Variants in FAM83D observed in about 807,000 individuals in gnomAD.
FAM83D encodes scaffolding CK1 anchoring protein D, also known as protein FAM83D.
A neutral mutation model predicts 25.4 loss-of-function variants in FAM83D; 26 were observed. That is an observed-to-expected ratio of 1.02 (90% CI 0.75 to 1.42). The LOEUF is 1.42. Ranked by LOEUF, FAM83D falls within the 40% of genes most tolerant of loss-of-function variation. The pLI is 0.00. For synonymous variants in FAM83D, 310 were observed against 318.5 expected (o/e 0.97, Z 0.28); for missense variants, 740 against 758.1 (o/e 0.98, Z 0.28).
intron 1 of FAM83D, among the ~76,000 whole-genome samples, chr20:38,936,612 T>C (rs551288709): frequency 3.3e-5 from 5 of 152,140 alleles, no homozygotes; most frequent in Admixed American, 1.3e-4. Context: ...TGGAATGATA[T>C]AAAATACTGA....
chr20:38,952,550 C>T lies in FAM83D; in HGVS notation c.*30C>T, dbSNP rs765694697. 6.3e-7 allele frequency: 1 copy of T among 1,592,350 alleles called. No homozygotes were observed. Among genetic ancestry groups the T allele is most frequent in the Non-Finnish European group, 8.6e-7 (1 of 1,167,644 alleles). On this transcript the variant is annotated 3_prime_UTR_variant, in exon 4 of 4. Transcript: ENST00000619850. Reference sequence around the variant, plus strand: ...TCCGTGTTCAGACTCCTGGTTTCTTCCAGGCTTACAGTGGACATCATCAGC... The same window carrying T: ...TCCGTGTTCAGACTCCTGGTTTCTTTCAGGCTTACAGTGGACATCATCAGC...
In FAM83D at chr20:38,926,793, G is replaced by C. The variant is rs1460592108; in HGVS notation, c.351G>C (p.Trp117Cys). ...AGCCACCGCTGTTGGAGCTTGGCTG[G>C]CCCGCCTTCTACCAGGGCGCCTACC... ...DLEPPLLELG[W>C]PAFYQGAYRG... is the part of the protein sequence containing the mutation. Residue 117 changes from tryptophan (W) to cysteine (C), a missense_variant, in exon 1 of 4, where the codon TGG (tryptophan) becomes TGC (cysteine). Trp to Cys is a radical substitution (Grantham distance 215). This residue lies in a region of FAM83D where 333 missense variants were observed against 298.6 expected (regional missense o/e 1.12). Coordinates refer to ENST00000619850, the MANE Select transcript of FAM83D (RefSeq NM_030919.3). The C allele has an allele frequency of 6.5e-7, 1 of 1,544,762 alleles. No homozygotes were observed. The highest frequency in any genetic ancestry group is 8.7e-7 in the Non-Finnish European group (1 of 1,151,304).
chr20:38,938,358 G>A (rs918668727), intron 1 of FAM83D, among the ~76,000 whole-genome samples: 2 of 152,168 alleles, frequency 1.3e-5, no homozygotes, highest in Non-Finnish European at 2.9e-5. Context: ...CCTTTGGCCC[G>A]TCACACTCTG....
chr20:38,929,461 C>T (rs1390731974), intron 1 of FAM83D, among the ~76,000 whole-genome samples: 4 of 152,010 alleles, frequency 2.6e-5, no homozygotes, highest in African/African-American at 9.7e-5. Flanking sequence ...TGGGGGCTGG[C>T]CCACAAGTGT....
At chr20:38,930,006 G>C (rs1466898880) in intron 1 of FAM83D, among the ~76,000 whole-genome samples, 2 of 152,184 alleles carry the variant, frequency 1.3e-5, no homozygotes, top group Non-Finnish European at 2.9e-5. Context: ...CACACTCCCT[G>C]TGGAGGGTTC....
At chr20:38,948,218 A>G (rs951558430) in intron 3 of FAM83D, among the ~76,000 whole-genome samples, 1 of 152,228 alleles carries the variant, frequency 6.6e-6, no homozygotes, top group African/African-American at 2.4e-5. Flanking sequence ...ATTAAAATGC[A>G]GAAGTTGAAC....
intron 2 of FAM83D, 93 bp from the exon 3 acceptor site, chr20:38,947,783 A>G: frequency 6.9e-7 from 1 of 1,458,400 alleles, no homozygotes; most frequent in South Asian, 1.3e-5. Context: ...ATATCTGGGA[A>G]TTGTAAACTA....
intron 3 of FAM83D, among the ~76,000 whole-genome samples, chr20:38,950,387 T>G (rs940788890): frequency 6.6e-6 from 1 of 152,112 alleles, no homozygotes. Context: ...CTTTCTGGGG[T>G]ACAGGTGGGT....
chr20:38,926,862 T>C lies in FAM83D; in HGVS notation c.420T>C (p.Ala140=), dbSNP rs1430218861. Residue 140 remains alanine, a synonymous_variant, in exon 1 of 4, where the codon GCT becomes GCC. Coordinates refer to ENST00000619850, the MANE Select transcript of FAM83D (RefSeq NM_030919.3). ...RVETHFQPRG[A]GEGGPYGCKD... The stretch of plus-strand genomic sequence containing the variant: ...AGACGCACTTCCAGCCCCGCGGCGC[T>C]GGCGAAGGTGGCCCCTACGGCTGCA... 1 of 1,517,046 alleles carries C rather than the reference T, an allele frequency of 6.6e-7. No homozygotes were observed. Among genetic ancestry groups the C allele is most frequent in the Admixed American group, 2.1e-5 (1 of 48,144 alleles). The allele number at this position is 1,517,046 out of a possible 1,614,324, so 94.0% of individuals were successfully genotyped here. A position where few individuals can be genotyped will look rare whatever the true frequency, so the allele number is the denominator to read the frequency against.
At position 38,952,123 on chromosome 20, in the gene FAM83D, G is replaced by A. The variant is rs776947128; in HGVS notation, c.1361G>A (p.Arg454Gln). The change falls in exon 4 of 4, where the codon CGA (arginine) becomes CAA (glutamine). Residue 454 changes from arginine (R) to glutamine (Q), a missense_variant. Physicochemically the swap from Arg to Gln is conservative, Grantham distance 43 (BLOSUM62 1). Around this residue, in one of 3 missense-constraint regions of FAM83D, gnomAD observed 375 missense variants for 403.2 expected, o/e 0.93. Transcript: ENST00000619850. ...TDMDENILFPRGTQSTEGSPV... is the reference protein window; with the variant it reads ...TDMDENILFPQGTQSTEGSPV... ...ATGGATGAGAACATTCTCTTTCCTC[G>A]AGGAACTCAATCTACAGAAGGGTCA... 93 of 1,614,040 alleles carry A rather than the reference G, an allele frequency of 5.8e-5. No individual in the cohort carries two copies. Among genetic ancestry groups the A allele is most frequent in the Non-Finnish European group, 7.5e-5 (89 of 1,180,040 alleles).
intron 1 of FAM83D, among the ~76,000 whole-genome samples, chr20:38,931,570 C>T (rs555372473): frequency 2.0e-5 from 3 of 152,326 alleles, no homozygotes; most frequent in South Asian, 2.1e-4. Flanking sequence ...CCTCAGTGTT[C>T]GCTCCATGCA....
intron 2 of FAM83D, among the ~76,000 whole-genome samples, chr20:38,942,408 T>C (rs2145805212): frequency 6.6e-6 from 1 of 152,330 alleles, no homozygotes; most frequent in South Asian, 2.1e-4. Flanking sequence ...AACAATCCAA[T>C]GCCAATCAAC....
intron 2 of FAM83D, among the ~76,000 whole-genome samples, chr20:38,942,802 G>A (rs1399250534): frequency 6.6e-6 from 1 of 152,150 alleles, no homozygotes; most frequent in Non-Finnish European, 1.5e-5. Flanking sequence ...CTGTGAATTA[G>A]ATCTCAGTTA....
At position 38,926,470 on chromosome 20, in the gene FAM83D, G is replaced by C; in HGVS notation, c.28G>C (p.Glu10Gln). 1 of 1,597,432 alleles carries C rather than the reference G, an allele frequency of 6.3e-7. No homozygotes were observed. Among genetic ancestry groups the C allele is most frequent in the Admixed American group, 1.7e-5 (1 of 59,828 alleles). Residue 10 changes from glutamate to glutamine, a missense_variant, in exon 1 of 4, where the codon GAG becomes CAG. Transcript: ENST00000619850. MALLSEGLDEVPAACLSPCG... is the reference protein window; with the variant it reads MALLSEGLDQVPAACLSPCG... ...GGCTCTGCTGTCCGAGGGCCTGGAC[G>C]AGGTGCCCGCCGCCTGCCTGTCGCC...
chr20:38,934,060 C>T (rs1261837471), intron 1 of FAM83D, among the ~76,000 whole-genome samples: 4 of 151,970 alleles, frequency 2.6e-5, no homozygotes, highest in African/African-American at 7.3e-5. Context: ...TTCACCATGT[C>T]GGCCAGCATG....
intron 1 of FAM83D, among the ~76,000 whole-genome samples, chr20:38,940,776 T>C (rs2085698618): frequency 1.3e-5 from 2 of 152,116 alleles, no homozygotes; most frequent in East Asian, 1.9e-4. Context: ...ATTAGAGGCA[T>C]TGTGGCAGGA....
intron 3 of FAM83D, among the ~76,000 whole-genome samples, chr20:38,950,660 G>T (rs1171101094): frequency 6.6e-6 from 1 of 151,418 alleles, no homozygotes; most frequent in African/African-American, 2.5e-5. Context: ...AGGGCCTAGG[G>T]TCTGATCTGG....
At position 38,926,513 on chromosome 20, in the gene FAM83D, C is replaced by T. The variant is rs776957965; in HGVS notation, c.71C>T (p.Pro24Leu). The T allele has an allele frequency of 2.4e-5, 39 of 1,595,114 alleles. No individual in the cohort carries two copies. The highest frequency in any genetic ancestry group is 3.1e-5 in the Non-Finnish European group (37 of 1,177,274). The change falls in exon 1 of 4, where the codon CCG becomes CTG. Residue 24 changes from proline (P) to leucine (L), a missense_variant. Pro to Leu is a moderately conservative substitution (Grantham distance 98, BLOSUM62 -3). Transcript: ENST00000619850. ...CTGTCGCCGTGCGGGCCGCCCAACC[C>T]GACCGAGCTGTTCAGCGAGTCACGG... ...ACLSPCGPPN[P>L]TELFSESRRL...
chr20:38,943,753 C>T (rs374508906), intron 2 of FAM83D, among the ~76,000 whole-genome samples: 6 of 152,118 alleles, frequency 3.9e-5, no homozygotes, highest in Admixed American at 1.3e-4. Context: ...TGCAGTGGCA[C>T]GATCTCAGCT....
Sources: gnomAD v4.1 joint callset for allele counts (sites outside exome capture counted in the v4.1 genomes callset) on GRCh38, gnomAD v4.1.1 for gene constraint, gnomAD v4.1.1 regional missense constraint, MANE v1.5 for transcripts, NCBI Gene and HGNC (gene_info 2026-07-23, HGNC 2026-07-21) for gene names.